TSPAN11: variants seen among roughly 807,000 people sequenced by gnomAD.
The protein encoded by TSPAN11 is tetraspanin-11.
A neutral mutation model predicts 32.9 loss-of-function variants in TSPAN11; 29 were observed. The observed-to-expected ratio is 0.88, with a 90% CI of 0.66 to 1.20. The LOEUF is 1.20. Among genes scored for constraint, TSPAN11 ranks in the 50% most tolerant of loss-of-function variants. The probability of loss-of-function intolerance (pLI) is 0.00; values close to 1 mark genes in which losing one functional copy is unlikely to be tolerated. For missense variants in TSPAN11, 283 were observed against 329.1 expected (o/e 0.86, Z 1.08); for synonymous variants, 140 against 141.3 (o/e 0.99, Z 0.07).
intron 1 of TSPAN11, among the ~76,000 whole-genome samples, chr12:30,950,565 G>A (rs1197593934): frequency 2.0e-5 from 3 of 152,180 alleles, no homozygotes; most frequent in African/African-American, 7.2e-5. Context: ...CTGTACCAGG[G>A]TGATGTTAGC....
At chr12:30,964,776 C>T (rs1440486578) in intron 3 of TSPAN11, among the ~76,000 whole-genome samples, 1 of 152,230 alleles carries the variant, frequency 6.6e-6, no homozygotes, top group Non-Finnish European at 1.5e-5. Context: ...AATAACCAAG[C>T]AGTTTCACAT....
At chr12:31,014,712 C>G in the TSPAN11 span, among the ~76,000 whole-genome samples, 1 of 152,192 alleles carries the variant, frequency 6.6e-6, no homozygotes, top group Non-Finnish European at 1.5e-5. Flanking sequence ...GGGAGTCTGA[C>G]AGTAACCAGC....
At chr12:31,014,429 G>A in the TSPAN11 span, among the ~76,000 whole-genome samples, 3 of 152,122 alleles carry the variant, frequency 2.0e-5, no homozygotes, top group South Asian at 4.2e-4. Context: ...TATCTCCAAT[G>A]TTACATAAGG....
intron 3 of TSPAN11, among the ~76,000 whole-genome samples, chr12:30,965,984 G>A (rs936276891): frequency 1.3e-5 from 2 of 151,086 alleles, no homozygotes; most frequent in East Asian, 2.0e-4. Context: ...ACACAAATCC[G>A]TAAACTTTCT....
intron 1 of TSPAN11, among the ~76,000 whole-genome samples, chr12:30,949,538 G>A (rs1403112397): frequency 6.6e-6 from 1 of 152,140 alleles, no homozygotes; most frequent in Non-Finnish European, 1.5e-5. Context: ...TCACTATCAT[G>A]AGAATAGTAC....
chr12:30,935,469 C>T (rs1488057787), intron 1 of TSPAN11, among the ~76,000 whole-genome samples: 1 of 150,176 alleles, frequency 6.7e-6, no homozygotes, highest in African/African-American at 2.5e-5. Flanking sequence ...CTGCATCCTC[C>T]ACCTACTTGG....
At chr12:31,002,844 G>A in the TSPAN11 span, among the ~76,000 whole-genome samples, 1 of 152,246 alleles carries the variant, frequency 6.6e-6, no homozygotes, top group East Asian at 1.9e-4. The surrounding 1 kb of genome is among the most constrained non-coding windows in gnomAD (Gnocchi z 4.8). Context: ...AGAGGTTCTA[G>A]GGCAGGGCAG....
chr12:30,991,899 A>C lies in TSPAN11; in HGVS notation c.746A>C (p.Gln249Pro), dbSNP rs768787259. The C allele has an allele frequency of 2.5e-6, 4 of 1,614,142 alleles. No individual in the cohort carries two copies. Among genetic ancestry groups the C allele is most frequent in the Admixed American group, 3.3e-5 (2 of 60,032 alleles). ...ACCTGCTGCTTGCACCAGAGGCTCC[A>C]GCGGCATTTTTACTAATGGCCAACC... ...VLTCCLHQRL[Q>P]RHFY is the part of the protein sequence containing the mutation. The change falls in exon 8 of 8, where the codon CAG becomes CCG. Residue 249 changes from glutamine to proline, a missense_variant. By Grantham distance (76) the Gln-to-Pro change is moderately conservative (BLOSUM62 -1). Transcript: ENST00000546076.
chr12:30,969,738 T>G (rs1938810891), intron 3 of TSPAN11, among the ~76,000 whole-genome samples: 1 of 152,106 alleles, frequency 6.6e-6, no homozygotes, highest in African/African-American at 2.4e-5. Context: ...ACTGCCTAAT[T>G]CATCAACATC....
intron 7 of TSPAN11, among the ~76,000 whole-genome samples, chr12:30,990,014 G>A (rs1298177035): frequency 6.6e-6 from 1 of 152,138 alleles, no homozygotes; most frequent in Non-Finnish European, 1.5e-5. Flanking sequence ...GCCCCCTGTT[G>A]GCTGCTGGAG....
At chr12:30,929,652 GT>G (rs1276780406) in intron 1 of TSPAN11, among the ~76,000 whole-genome samples, 1 of 152,168 alleles carries the variant, frequency 6.6e-6, no homozygotes, top group East Asian at 1.9e-4. Flanking sequence ...ACTCAGCAAT[GT>G]TTTTCTTGAG....
the TSPAN11 span, among the ~76,000 whole-genome samples, chr12:31,011,566 G>A: frequency 7.9e-5 from 12 of 152,134 alleles, no homozygotes; most frequent in Non-Finnish European, 1.3e-4. Context: ...CAACCCACTC[G>A]CCTCCTGCGG....
intron 7 of TSPAN11, among the ~76,000 whole-genome samples, chr12:30,990,803 A>G (rs915653917): frequency 5.3e-5 from 8 of 152,196 alleles, no homozygotes; most frequent in African/African-American, 1.9e-4. Flanking sequence ...AAGTCAGGAC[A>G]CTGTTTCAAT....
intron 1 of TSPAN11, among the ~76,000 whole-genome samples, chr12:30,939,003 T>C (rs982420643): frequency 2.8e-4 from 43 of 151,816 alleles, no homozygotes; most frequent in African/African-American, 9.9e-4. Flanking sequence ...GAGGCTGAGG[T>C]GGGTGGATCA....
intron 3 of TSPAN11, among the ~76,000 whole-genome samples, chr12:30,965,615 T>G (rs908556430): frequency 2.0e-5 from 3 of 152,136 alleles, no homozygotes; most frequent in Non-Finnish European, 2.9e-5. Flanking sequence ...CCTCCCTCTA[T>G]CCTCACTACA....
the TSPAN11 span, chr12:31,015,637 T>C: frequency 3.3e-5 from 5 of 152,220 alleles, no homozygotes; most frequent in African/African-American, 1.2e-4. The surrounding 1 kb of genome is among the most constrained non-coding windows in gnomAD (Gnocchi z 4.9). Context: ...GGAGCCTCAG[T>C]GAATCCGACC....
chr12:30,948,099 CTCTCACATCCAGG>C (rs1240112387), intron 1 of TSPAN11, among the ~76,000 whole-genome samples: 1 of 152,218 alleles, frequency 6.6e-6, no homozygotes, highest in Non-Finnish European at 1.5e-5. Context: ...TTGACTCCAG[CTCTCACATCCAGG>C]TCATGTTGAT....
In TSPAN11 at chr12:30,994,718, T is replaced by G. The variant is rs193026719; in HGVS notation, c.*2803T>G. 7.2e-5 allele frequency: 11 copies of G among 152,332 alleles called. No individual in the cohort carries two copies. The highest frequency in any genetic ancestry group is 2.6e-4 in the African/African-American group (11 of 41,576). 9.4% of individuals were successfully genotyped at this position (152,332 alleles called of 1,614,324 possible). A position where few individuals can be genotyped will look rare whatever the true frequency, so the allele number is the denominator to read the frequency against. ...TGGGGAGTGTGTCCAGGGATTTTTT[T>G]GTGTTTACCAAGGTCCTGCTGTGCA... On this transcript the variant is annotated 3_prime_UTR_variant, in exon 8 of 8. Coordinates refer to ENST00000546076, the MANE Select transcript of TSPAN11 (RefSeq NM_001370302.1).
chr12:31,011,977 C>G, the TSPAN11 span, among the ~76,000 whole-genome samples: 1 of 152,214 alleles, frequency 6.6e-6, no homozygotes, highest in African/African-American at 2.4e-5. Flanking sequence ...AGTCCGGGGT[C>G]CCCGTCTCCT....
Sources: allele counts gnomAD v4.1 joint callset (sites outside exome capture counted in the v4.1 genomes callset), GRCh38; gene constraint gnomAD v4.1.1; non-coding constraint Gnocchi (gnomAD v3.1); transcripts MANE v1.5; gene names NCBI Gene and HGNC (gene_info 2026-07-23, HGNC 2026-07-21).